ELL: variants seen among roughly 807,000 people sequenced by gnomAD.
ELL encodes the protein RNA polymerase II elongation factor ELL.
ELL carries 18 observed loss-of-function variants against 64.0 expected under a neutral mutation model. The observed-to-expected ratio is 0.28, with a 90% CI of 0.19 to 0.42. The LOEUF is 0.42. Ranked by LOEUF, ELL falls within the 10% of genes least tolerant of loss-of-function variation. The pLI is 1.00. For missense variants in ELL, 797 were observed against 870.4 expected (o/e 0.92, Z 1.06); for synonymous variants, 399 against 376.2 (o/e 1.06, Z -0.70).
intron 1 of ELL, among the ~76,000 whole-genome samples, chr19:18,489,923 C>G (rs1049385857): frequency 6.6e-6 from 1 of 152,130 alleles, no homozygotes; most frequent in African/African-American, 2.4e-5. Flanking sequence ...ACTAGGACAA[C>G]AGAATAAGGG....
intron 1 of ELL, among the ~76,000 whole-genome samples, chr19:18,510,309 G>A (rs1975989509): frequency 6.6e-6 from 1 of 152,266 alleles, no homozygotes; most frequent in Non-Finnish European, 1.5e-5. Flanking sequence ...GGTGGAGGTT[G>A]CAGTGAGCCA....
intron 1 of ELL, among the ~76,000 whole-genome samples, chr19:18,498,101 T>A (rs1252844566): frequency 6.6e-6 from 1 of 151,542 alleles, no homozygotes; most frequent in African/African-American, 2.4e-5. Context: ...CACTCCATCC[T>A]GGGCAACAAG....
At position 18,450,535 on chromosome 19, in the gene ELL, C is replaced by T. The variant is rs1260528032; in HGVS notation, c.1407G>A (p.Gln469=). 26 of 1,613,184 alleles carry T rather than the reference C, an allele frequency of 1.6e-5. No individual in the cohort carries two copies. In the African/African-American group the frequency reaches 3.1e-4, roughly 19 times the overall value. ...ERAAEDKPRA[Q]LPDCAPATHA... is the part of the protein sequence containing the mutation. ...GGGTGGCAGGTGCACAGTCTGGAAGCTGGGCCCGGGGCTTGTCCTCAGCCG... is the reference window on the plus strand; with the variant it reads ...GGGTGGCAGGTGCACAGTCTGGAAGTTGGGCCCGGGGCTTGTCCTCAGCCG... The change falls in exon 8 of 12, where the codon CAG becomes CAA. Residue 469 remains glutamine (Q), a synonymous_variant. Transcript: ENST00000262809.
At chr19:18,444,941 T>G in intron 11 of ELL, 73 bp from the exon 12 acceptor site, 1 of 1,502,064 alleles carries the variant, frequency 6.7e-7, no homozygotes, top group Non-Finnish European at 9.0e-7. Context: ...CAGGCCAGTG[T>G]CCCCCCCAAA....
intron 1 of ELL, among the ~76,000 whole-genome samples, chr19:18,518,382 C>T (rs1324634750): frequency 6.6e-6 from 1 of 151,694 alleles, no homozygotes; most frequent in Non-Finnish European, 1.5e-5. Context: ...ACACCTGTGG[C>T]CCCAGCTACT....
chr19:18,444,005 C>T lies in ELL; in HGVS notation c.*747G>A. 1 of 232,390 alleles carries T rather than the reference C, an allele frequency of 4.3e-6. No individual in the cohort carries two copies. The highest frequency in any genetic ancestry group is 8.5e-6 in the Non-Finnish European group (1 of 117,500). 14.4% of individuals were successfully genotyped at this position (232,390 alleles called of 1,614,324 possible). A position where few individuals can be genotyped will look rare whatever the true frequency, so the allele number is the denominator to read the frequency against. On this transcript the variant is annotated 3_prime_UTR_variant, in exon 12 of 12. Transcript: ENST00000262809. Reference sequence around the variant, plus strand: ...CTTGGAGCACAGAAACACAGTGGCCCCCGACAGCTGAGGGCCTGAAATAGC... The same window carrying T: ...CTTGGAGCACAGAAACACAGTGGCCTCCGACAGCTGAGGGCCTGAAATAGC...
chr19:18,521,230 C>G (rs891015112), intron 1 of ELL, among the ~76,000 whole-genome samples: 1 of 152,084 alleles, frequency 6.6e-6, no homozygotes, highest in Non-Finnish European at 1.5e-5. Context: ...GAACCTCTCT[C>G]CGGAGAGAGA....
chr19:18,454,228 G>A (rs549993543), intron 6 of ELL, among the ~76,000 whole-genome samples: 7 of 152,296 alleles, frequency 4.6e-5, no homozygotes, highest in South Asian at 2.1e-4. Flanking sequence ...GGCCGGGCCC[G>A]ATGGCTCACG....
chr19:18,497,584 C>T (rs2144961069), intron 1 of ELL, among the ~76,000 whole-genome samples: 1 of 152,022 alleles, frequency 6.6e-6, no homozygotes, highest in South Asian at 2.1e-4. Flanking sequence ...CTTTAGGAGG[C>T]CTGGGTGGGA....
At chr19:18,512,707 A>G (rs1215330641) in intron 1 of ELL, among the ~76,000 whole-genome samples, 1 of 152,270 alleles carries the variant, frequency 6.6e-6, no homozygotes, top group East Asian at 1.9e-4. Flanking sequence ...TTTTTGGGTC[A>G]ACGAGGAGAG....
intron 2 of ELL, among the ~76,000 whole-genome samples, chr19:18,468,144 A>G (rs952911581): frequency 2.0e-5 from 3 of 147,534 alleles, no homozygotes; most frequent in African/African-American, 7.6e-5. Context: ...ACCCCCACAC[A>G]GCCACACAAA....
At chr19:18,454,919 C>G (rs892888610) in intron 6 of ELL, among the ~76,000 whole-genome samples, 2 of 149,876 alleles carry the variant, frequency 1.3e-5, no homozygotes, top group Non-Finnish European at 3.0e-5. Flanking sequence ...AAGGCTGAGG[C>G]CCTTGAGGTC....
intron 2 of ELL, among the ~76,000 whole-genome samples, chr19:18,468,284 C>G (rs911620171): frequency 6.6e-6 from 1 of 152,094 alleles, no homozygotes; most frequent in African/African-American, 2.4e-5. Flanking sequence ...CTCCCACACA[C>G]AAACAACCAC....
chr19:18,479,551 A>G (rs901727429), intron 1 of ELL, among the ~76,000 whole-genome samples: 4 of 151,948 alleles, frequency 2.6e-5, no homozygotes, highest in Non-Finnish European at 5.9e-5. Context: ...TCTACTAAAA[A>G]TACAAAAATT....
Position 18,443,220 on chromosome 19 carries a change from AAAC to A in ELL, c.*1529_*1531del, listed in dbSNP as rs976163417. 1.7e-5 allele frequency: 4 copies of A among 231,744 alleles called. No individual in the cohort carries two copies. The highest frequency in any genetic ancestry group is 1.2e-4 in the East Asian group (2 of 16,402). The allele number at this position is 231,744 out of a possible 1,614,324, so 14.4% of individuals were successfully genotyped here. A position where few individuals can be genotyped will look rare whatever the true frequency, so the allele number is the denominator to read the frequency against. The stretch of plus-strand genomic sequence containing the variant: ...CCGGCCCGGCCCGGCCCAAAGAGAA[AAAC>A]AACAACAGCTATTGAAACATGAAGG... On this transcript the variant is annotated 3_prime_UTR_variant, in exon 12 of 12. Transcript: ENST00000262809.
chr19:18,482,763 TTTG>T (rs71336679), intron 1 of ELL, among the ~76,000 whole-genome samples: 165 of 149,690 alleles, frequency 1.1e-3, no homozygotes, highest in East Asian at 7.0e-3. Context: ...CTTTTTGGTT[TTTG>T]TTGTTGTTGT....
intron 1 of ELL, among the ~76,000 whole-genome samples, chr19:18,473,481 T>TGGGAGCCTGAGGC (rs1432738213): frequency 6.6e-6 from 1 of 152,140 alleles, no homozygotes; most frequent in Non-Finnish European, 1.5e-5. Context: ...GAGCCTGGGG[T>TGGGAGCCTGAGGC]GGGAGCCTGA....
At chr19:18,476,129 A>G (rs1442037527) in intron 1 of ELL, among the ~76,000 whole-genome samples, 1 of 152,206 alleles carries the variant, frequency 6.6e-6, no homozygotes, top group African/African-American at 2.4e-5. Context: ...GACCAAGGCC[A>G]GGTGGGAAGG....
intron 1 of ELL, among the ~76,000 whole-genome samples, chr19:18,477,572 C>T (rs149593983): frequency 1.5e-3 from 222 of 152,176 alleles, no homozygotes; most frequent in African/African-American, 5.1e-3. Context: ...GCCGAGGTGC[C>T]GACACTGCAC....
Sources: allele counts gnomAD v4.1 joint callset (sites outside exome capture counted in the v4.1 genomes callset), GRCh38; gene constraint gnomAD v4.1.1; transcripts MANE v1.5; gene names NCBI Gene and HGNC (gene_info 2026-07-23, HGNC 2026-07-21).